Variants in KAZN observed in about 807,000 individuals in gnomAD.
The protein encoded by KAZN is kazrin, periplakin interacting protein, also known as kazrin.
A neutral mutation model predicts 87.4 loss-of-function variants in KAZN; 40 were observed. The observed-to-expected ratio is 0.46, with a 90% CI of 0.36 to 0.60. The LOEUF (loss-of-function observed/expected upper bound fraction) is 0.60. KAZN is among the 20% of genes least tolerant of loss of function. The pLI is 0.00. For missense variants in KAZN, 898 were observed against 1,073.9 expected (o/e 0.84, Z 2.29); for synonymous variants, 466 against 458.3 (o/e 1.02, Z -0.22).
At chr1:14,742,690 A>G (rs1438197510) in intron 1 of KAZN, among the ~76,000 whole-genome samples, 2 of 152,138 alleles carry the variant, frequency 1.3e-5, no homozygotes, top group Non-Finnish European at 2.9e-5. Flanking sequence ...GAATCACCCC[A>G]TCTGGCAAGA....
intron 2 of KAZN, among the ~76,000 whole-genome samples, chr1:14,408,771 A>G (rs188023531): frequency 6.6e-6 from 1 of 152,328 alleles, no homozygotes; most frequent in East Asian, 1.9e-4. Flanking sequence ...AGGCCATAGC[A>G]CCAGAGAAGG....
chr1:14,795,793 C>T (rs961439628), intron 1 of KAZN, among the ~76,000 whole-genome samples: 1 of 152,182 alleles, frequency 6.6e-6, no homozygotes, highest in African/African-American at 2.4e-5. Flanking sequence ...ACATTGCCTC[C>T]CTCAGGGCCT....
In KAZN at chr1:14,607,013, T is replaced by A. The variant is rs571750884; in HGVS notation, c.226+7790T>A. Among the ~76,000 whole-genome samples, 80 of 152,320 alleles carry A rather than the reference T, an allele frequency of 5.3e-4. 2 individuals carry two copies. In the South Asian group the frequency reaches 0.016, roughly 31 times the overall value. The stretch of plus-strand genomic sequence containing the variant: ...AGGTCAGGGAGTTTTATCTATATTT[T>A]ACTGTATCCTCACCACCTAGAGCAG... On this transcript the variant is annotated intron_variant, in intron 1 of 14. Transcript: ENST00000376030.
intron 1 of KAZN, among the ~76,000 whole-genome samples, chr1:13,898,097 C>T (rs908464265): frequency 1.3e-5 from 2 of 152,302 alleles, no homozygotes; most frequent in Non-Finnish European, 2.9e-5. Context: ...CTGCTGATAT[C>T]GTAATATTCA....
At chr1:14,644,002 C>CTTTTTTTTTTTTTTTTT (rs34535562) in intron 1 of KAZN, among the ~76,000 whole-genome samples, 1 of 60,344 alleles carries the variant, frequency 1.7e-5, no homozygotes, top group African/African-American at 7.0e-5. Flanking sequence ...CCTTTGCCCA[C>CTTTTTTTTTTTTTTTTT]TTTTTTTTTT....
chr1:14,943,943 G>C (rs570946038), intron 1 of KAZN, among the ~76,000 whole-genome samples: 1 of 152,098 alleles, frequency 6.6e-6, no homozygotes, highest in African/African-American at 2.4e-5. Context: ...GCGTGGTGGC[G>C]CATGCCTGTA....
In KAZN at chr1:14,973,855, C is replaced by T. The variant is rs150364268; in HGVS notation, c.418+12980C>T. Among the ~76,000 whole-genome samples the T allele has an allele frequency of 2.2e-4, 34 of 152,286 alleles. No homozygotes were observed. The East Asian group carries it at 6.6e-3, about 29-fold the overall frequency. On this transcript the variant is annotated intron_variant, in intron 2 of 14. Transcript: ENST00000376030. The stretch of plus-strand genomic sequence containing the variant: ...ACATTCTAGAAGGGTGCACCGGTTA[C>T]TACTGCTGTGTAACACACTGCCTGT...
At chr1:14,694,503 G>A (rs1347622849) in intron 1 of KAZN, among the ~76,000 whole-genome samples, 1 of 152,048 alleles carries the variant, frequency 6.6e-6, no homozygotes, top group Non-Finnish European at 1.5e-5. Flanking sequence ...AAACATTAAT[G>A]AGCACTTCCC....
At chr1:14,976,039 A>C in intron 2 of KAZN, among the ~76,000 whole-genome samples, 1 of 148,406 alleles carries the variant, frequency 6.7e-6, no homozygotes. Context: ...CTCAAAAAAA[A>C]AAAAAAAAAA....
chr1:14,395,387 A>G (rs1162526039), intron 2 of KAZN, among the ~76,000 whole-genome samples: 1 of 151,876 alleles, frequency 6.6e-6, no homozygotes, highest in Non-Finnish European at 1.5e-5. Flanking sequence ...GTAGGAAGAG[A>G]TGGATTTAGG....
intron 2 of KAZN, among the ~76,000 whole-genome samples, chr1:14,378,357 G>A (rs1230885599): frequency 6.6e-6 from 1 of 152,182 alleles, no homozygotes; most frequent in Non-Finnish European, 1.5e-5. Flanking sequence ...CTGAATAGAA[G>A]TCTCCACCAA....
At chr1:14,303,067 G>T (rs1654668951) in intron 2 of KAZN, among the ~76,000 whole-genome samples, 1 of 152,152 alleles carries the variant, frequency 6.6e-6, no homozygotes, top group Non-Finnish European at 1.5e-5. Context: ...TTTTCTTCAA[G>T]TTCTAGACTC....
intron 1 of KAZN, among the ~76,000 whole-genome samples, chr1:13,917,675 T>A (rs543431425): frequency 4.0e-5 from 6 of 151,456 alleles, no homozygotes. Context: ...GATGCAGCTG[T>A]GGTCCCAGCT....
intron 2 of KAZN, among the ~76,000 whole-genome samples, chr1:14,440,319 T>A (rs902909511): frequency 1.3e-5 from 2 of 152,108 alleles, no homozygotes; most frequent in African/African-American, 4.8e-5. Context: ...CAGTCCTCCG[T>A]GGGTTGATAA....
chr1:14,701,359 G>A (rs1641911269), intron 1 of KAZN, among the ~76,000 whole-genome samples: 1 of 152,192 alleles, frequency 6.6e-6, no homozygotes, highest in African/African-American at 2.4e-5. Context: ...GTGAACTCCT[G>A]GACTCAAGCT....
At chr1:14,553,718 T>C (rs1673689715) in intron 2 of KAZN, among the ~76,000 whole-genome samples, 2 of 152,152 alleles carry the variant, frequency 1.3e-5, no homozygotes, top group Admixed American at 1.3e-4. Flanking sequence ...CCATTGCCCA[T>C]GTGGAACGAT....
Position 14,852,655 on chromosome 1 carries a change from T to C in KAZN, c.227-108029T>C, listed in dbSNP as rs1251850481. Among the ~76,000 whole-genome samples the C allele has an allele frequency of 2.0e-5, 3 of 152,252 alleles. No homozygotes were observed. The East Asian group carries it at 5.8e-4, about 29-fold the overall frequency. On this transcript the variant is annotated intron_variant, in intron 1 of 14. Transcript: ENST00000376030. ...TACACTTGCCCAGGGCCCATGCCAC[T>C]GGCAGAAGATGACAAGTGCAAGCCT...
chr1:14,515,168 A>C (rs138602388), intron 2 of KAZN, among the ~76,000 whole-genome samples: 121 of 152,288 alleles, frequency 7.9e-4, no homozygotes, highest in Non-Finnish European at 1.5e-3. Context: ...AAATCAGGAA[A>C]ATGAACATTT....
At chr1:14,357,214 C>T (rs1255645338) in intron 2 of KAZN, among the ~76,000 whole-genome samples, 8 of 129,038 alleles carry the variant, frequency 6.2e-5, no homozygotes, top group Non-Finnish European at 1.2e-4. Context: ...CATGATTTGG[C>T]TCTCTGTTTG....
Sources: allele counts gnomAD v4.1 joint callset (sites outside exome capture counted in the v4.1 genomes callset), GRCh38; gene constraint gnomAD v4.1.1; transcripts MANE v1.5; gene names NCBI Gene and HGNC (gene_info 2026-07-23, HGNC 2026-07-21).